Variants in PFKFB3 observed in about 807,000 individuals in gnomAD.
The protein encoded by PFKFB3 is 6-phosphofructo-2-kinase/fructose-2,6-bisphosphatase 3.
Under a neutral mutation model 68.0 loss-of-function variants are expected in PFKFB3, and 33 were observed. The observed-to-expected ratio is 0.49, with a 90% CI of 0.37 to 0.65. PFKFB3 has a LOEUF of 0.65. PFKFB3 is among the 30% of genes least tolerant of loss of function. The probability of loss-of-function intolerance (pLI) is 0.00; values close to 1 mark genes in which losing one functional copy is unlikely to be tolerated. For synonymous variants in PFKFB3, 315 were observed against 288.2 expected (o/e 1.09, Z -0.94); for missense variants, 586 against 712.2 (o/e 0.82, Z 2.02).
chr10:6,217,756 C>G (rs1470255165), intron 6 of PFKFB3, among the ~76,000 whole-genome samples: 1 of 152,200 alleles, frequency 6.6e-6, no homozygotes, highest in Non-Finnish European at 1.5e-5. Context: ...TGATGAATTT[C>G]TCCAGTGTTA....
chr10:6,210,402 C>G lies in PFKFB3; in HGVS notation c.77-3221C>G, dbSNP rs1422462899. Among the ~76,000 whole-genome samples the G allele has an allele frequency of 5.3e-5, 5 of 94,462 alleles. 1 individual carries two copies. Among genetic ancestry groups the G allele is most frequent in the Admixed American group, 5.1e-4 (4 of 7,888 alleles). The allele number at this position is 94,462 out of a possible 152,430, so 62.0% of individuals were successfully genotyped here. On this transcript the variant is annotated intron_variant, in intron 1 of 14. Transcript: ENST00000379775. ...TTGAGACGAAGTTTCGCTCTGTCAC[C>G]CAGGCTGGAGTGCAGTGGCGCTATC...
At chr10:6,160,351 G>A (rs927926473) in intron 1 of PFKFB3, among the ~76,000 whole-genome samples, 4 of 151,908 alleles carry the variant, frequency 2.6e-5, no homozygotes, top group African/African-American at 9.7e-5. Flanking sequence ...CGAGGACTGT[G>A]ATTGCTCCCA....
intron 14 of PFKFB3, among the ~76,000 whole-genome samples, chr10:6,252,318 C>G (rs138391737): frequency 6.6e-6 from 1 of 152,110 alleles, no homozygotes. Flanking sequence ...GTTTCCTTTG[C>G]GATTTTTTTC....
chr10:6,178,848 G>A (rs1034776364), intron 1 of PFKFB3, among the ~76,000 whole-genome samples: 6 of 152,182 alleles, frequency 3.9e-5, no homozygotes, highest in Admixed American at 6.5e-5. Context: ...TGGCTGAGCC[G>A]GGACGCAGCG....
At chr10:6,231,061 C>T (rs965867548) in intron 14 of PFKFB3, among the ~76,000 whole-genome samples, 16 of 152,058 alleles carry the variant, frequency 1.1e-4, no homozygotes, top group Admixed American at 9.8e-4. Flanking sequence ...AAGATGGGGA[C>T]GAACAACTGT....
Position 6,203,023 on chromosome 10 carries a change from G to C in PFKFB3, c.-238G>C. Reference sequence around the variant, plus strand: ...GCATCCCAGAGCTTTCCGAGCGGACGAGCCGGCCGTGCCGGGCATCCCCAG... The same window carrying C: ...GCATCCCAGAGCTTTCCGAGCGGACCAGCCGGCCGTGCCGGGCATCCCCAG... On this transcript the variant is annotated 5_prime_UTR_variant, in exon 1 of 15. Coordinates refer to ENST00000379775, the MANE Select transcript of PFKFB3 (RefSeq NM_004566.4). 1 of 1,370,300 alleles carries C rather than the reference G, an allele frequency of 7.3e-7. No homozygotes were observed. The allele number at this position is 1,370,300 out of a possible 1,614,324, so 84.9% of individuals were successfully genotyped here.
At chr10:6,166,310 C>G (rs1053198725) in intron 1 of PFKFB3, among the ~76,000 whole-genome samples, 2 of 151,840 alleles carry the variant, frequency 1.3e-5, no homozygotes, top group African/African-American at 4.8e-5. Context: ...CCAGGTTGGT[C>G]TCAAACTACT....
At chr10:6,273,002 C>CT in the PFKFB3 span, among the ~76,000 whole-genome samples, 309 of 74,130 alleles carry the variant, frequency 4.2e-3, 12 homozygotes, top group African/African-American at 0.012. Flanking sequence ...AGATTGCAGG[C>CT]TTTTTTTTTT....
intron 1 of PFKFB3, among the ~76,000 whole-genome samples, chr10:6,207,122 C>T (rs554130625): frequency 1.3e-5 from 2 of 152,170 alleles, no homozygotes; most frequent in Admixed American, 6.5e-5. Flanking sequence ...GCCGAGATCA[C>T]GCCACTGCAC....
intron 10 of PFKFB3, 67 bp from the exon 11 acceptor site, chr10:6,222,788 C>G: frequency 6.5e-7 from 1 of 1,535,420 alleles, no homozygotes; most frequent in Non-Finnish European, 8.8e-7. Context: ...CTGATGCAGT[C>G]TGTGGCCAGC....
At chr10:6,206,809 C>T (rs1843765331) in intron 1 of PFKFB3, among the ~76,000 whole-genome samples, 1 of 46,302 alleles carries the variant, frequency 2.2e-5, no homozygotes, top group African/African-American at 8.4e-5. Flanking sequence ...CGATGGGCGG[C>T]CGGGCAGAGA....
the PFKFB3 span, among the ~76,000 whole-genome samples, chr10:6,278,101 A>G: frequency 1.3e-5 from 2 of 151,818 alleles, no homozygotes; most frequent in South Asian, 4.2e-4. Flanking sequence ...TATTTTTAGT[A>G]GAGACGGGGT....
downstream of PFKFB3, among the ~76,000 whole-genome samples, chr10:6,237,375 C>T (rs1846038330): frequency 6.6e-6 from 1 of 152,220 alleles, no homozygotes; most frequent in Non-Finnish European, 1.5e-5. Flanking sequence ...GGAGAAGACC[C>T]AGATGATGTG....
In PFKFB3 at chr10:6,213,214, G is replaced by A. The variant is rs546304668; in HGVS notation, c.77-409G>A. 5.9e-5 allele frequency among the ~76,000 whole-genome samples: 9 copies of A among 152,296 alleles called. No individual in the cohort carries two copies. In the South Asian group the frequency reaches 1.7e-3, roughly 28 times the overall value. ...GTCCCACTGTGGTACAATGCCAGGG[G>A]CTTCAGGATGGGGAGATGAAATGAA... On this transcript the variant is annotated intron_variant, in intron 1 of 14. Transcript: ENST00000379775.
intron 1 of PFKFB3, among the ~76,000 whole-genome samples, chr10:6,194,929 G>C (rs531930852): frequency 4.0e-5 from 6 of 151,040 alleles, no homozygotes; most frequent in Admixed American, 4.0e-4. Context: ...CTGGAATGCA[G>C]TGGCGCAATC....
rs78938174 is a variant in PFKFB3 at position 6,151,852 on chromosome 10, T to C, written c.16+6839T>C. Among the ~76,000 whole-genome samples, 1,111 of 152,092 alleles carry C rather than the reference T, an allele frequency of 7.3e-3. 21 individuals are homozygous for C. The highest frequency in any genetic ancestry group is 0.071 in the South Asian group (344 of 4,812). On this transcript the variant is annotated intron_variant, in intron 1 of 14. Coordinates refer to the PFKFB3 transcript ENST00000379789. ...GCTGGTCCTCAGTGCCACAGTGCTGTGGCTGTCGGGCGGCAGGCACTGGCT... is the reference window on the plus strand; with the variant it reads ...GCTGGTCCTCAGTGCCACAGTGCTGCGGCTGTCGGGCGGCAGGCACTGGCT...
chr10:6,162,235 G>A (rs916589949), intron 1 of PFKFB3, among the ~76,000 whole-genome samples: 2 of 152,140 alleles, frequency 1.3e-5, no homozygotes, highest in African/African-American at 2.4e-5. Flanking sequence ...TTTTGGAGGC[G>A]GAGTAATGTT....
intron 1 of PFKFB3, among the ~76,000 whole-genome samples, chr10:6,194,040 A>G (rs549874904): frequency 3.9e-5 from 6 of 152,286 alleles, no homozygotes; most frequent in South Asian, 2.1e-4. Flanking sequence ...TAATATTTGT[A>G]TTTCATTGAG....
the PFKFB3 span, among the ~76,000 whole-genome samples, chr10:6,308,864 C>A: frequency 3.9e-3 from 593 of 152,270 alleles, 4 homozygotes; most frequent in African/African-American, 0.014. Context: ...TTTAAAGATG[C>A]CGATAGGCCA....
Sources: gnomAD v4.1 joint callset for allele counts (sites outside exome capture counted in the v4.1 genomes callset) on GRCh38, gnomAD v4.1.1 for gene constraint, MANE v1.5 for transcripts, NCBI Gene and HGNC (gene_info 2026-07-23, HGNC 2026-07-21) for gene names.